SFI1: variants seen among roughly 807,000 people sequenced by gnomAD.
SFI1 encodes SFI1 centrin binding protein.
A neutral mutation model predicts 207.5 loss-of-function variants in SFI1; 195 were observed. The ratio of observed to expected loss-of-function variants is 0.94; its 90% CI spans 0.84 to 1.06. The LOEUF is 1.06. Ranked by LOEUF, SFI1 falls within the 50% of genes least tolerant of loss-of-function variation. The pLI, the probability that SFI1 is intolerant of heterozygous loss-of-function variation, is 0.00. For missense variants in SFI1, 1,634 were observed against 1,588.0 expected (o/e 1.03, Z -0.49); for synonymous variants, 630 against 598.9 (o/e 1.05, Z -0.76).
chr22:31,586,492 G>A (rs964526702), intron 14 of SFI1, among the ~76,000 whole-genome samples: 3 of 152,278 alleles, frequency 2.0e-5, no homozygotes, highest in East Asian at 1.9e-4. Context: ...GATCTAAGTC[G>A]ATAGAGCTTG....
At position 31,585,333 on chromosome 22, in the gene SFI1, T is replaced by C. The variant is rs1487252365; in HGVS notation, c.1413+199T>C. ...AAGTCTGCATAACTCCCATTTCTTATCTGCTATGAAAATACAAGTTCTCTC... is the reference window on the plus strand; with the variant it reads ...AAGTCTGCATAACTCCCATTTCTTACCTGCTATGAAAATACAAGTTCTCTC... On this transcript the variant is annotated intron_variant, in intron 14 of 32. Coordinates refer to ENST00000400288, the MANE Select transcript of SFI1 (RefSeq NM_001007467.3). 2.6e-5 allele frequency among the ~76,000 whole-genome samples: 4 copies of C among 152,224 alleles called. No individual in the cohort carries two copies. The South Asian group carries it at 6.2e-4, about 24-fold the overall frequency.
intron 15 of SFI1, among the ~76,000 whole-genome samples, chr22:31,598,352 C>G (rs1308346626): frequency 6.6e-6 from 1 of 152,040 alleles, no homozygotes; most frequent in Non-Finnish European, 1.5e-5. Context: ...TTCTGTTACC[C>G]CAGAAAGTTC....
intron 12 of SFI1, among the ~76,000 whole-genome samples, chr22:31,582,194 CTTT>C (rs1377219551): frequency 4.0e-5 from 2 of 50,042 alleles, no homozygotes; most frequent in African/African-American, 1.5e-4. Flanking sequence ...AACAACACTT[CTTT>C]ATTACATTTT....
chr22:31,521,785 A>C (rs1030896709), intron 2 of SFI1, among the ~76,000 whole-genome samples: 18 of 150,770 alleles, frequency 1.2e-4, no homozygotes, highest in Non-Finnish European at 3.0e-5. Flanking sequence ...TTTTTTTTTG[A>C]GACAGTCTCA....
At chr22:31,530,992 A>G in intron 3 of SFI1, 66 bp from the exon 4 acceptor site, 2 of 1,384,100 alleles carry the variant, frequency 1.4e-6, no homozygotes, top group East Asian at 4.6e-5. Flanking sequence ...TTTCCTTTCC[A>G]GAAAACTGCT....
intron 16 of SFI1, 54 bp from the exon 17 acceptor site, chr22:31,602,553 T>C: frequency 6.3e-7 from 1 of 1,588,464 alleles, no homozygotes; most frequent in Non-Finnish European, 8.6e-7. Context: ...TCCTGGCTTC[T>C]GTGCCTCTCT....
chr22:31,564,018 A>G (rs1218514678), intron 8 of SFI1, among the ~76,000 whole-genome samples: 1 of 152,010 alleles, frequency 6.6e-6, no homozygotes, highest in Non-Finnish European at 1.5e-5. Context: ...CATAAAATAT[A>G]AAACACTTAG....
chr22:31,595,630 C>T (rs1177358525), intron 15 of SFI1, among the ~76,000 whole-genome samples: 16 of 152,132 alleles, frequency 1.1e-4, no homozygotes, highest in Admixed American at 1.0e-3. Context: ...TTCAAGAGAA[C>T]AGATCCACGT....
At chr22:31,605,812 C>T in intron 20 of SFI1, 1 of 153,886 alleles carries the variant, frequency 6.5e-6, no homozygotes, top group East Asian at 1.9e-4. Flanking sequence ...TATGCCACTG[C>T]ACTCCAGCCT....
At chr22:31,593,201 G>A (rs2066409785) in intron 15 of SFI1, among the ~76,000 whole-genome samples, 1 of 151,638 alleles carries the variant, frequency 6.6e-6, no homozygotes, top group African/African-American at 2.4e-5. Context: ...CTCCCAGATG[G>A]GGCGGCTGCC....
chr22:31,599,317 T>C (rs1326291919), intron 15 of SFI1, among the ~76,000 whole-genome samples: 1 of 115,594 alleles, frequency 8.7e-6, no homozygotes, highest in African/African-American at 3.0e-5. Flanking sequence ...TCCAGCACCA[T>C]TTGTTGAAAA....
Position 31,613,218 on chromosome 22 carries a change from T to C in SFI1, c.2565+2T>C. 1 of 1,613,464 alleles carries C rather than the reference T, an allele frequency of 6.2e-7. No individual in the cohort carries two copies. The highest frequency in any genetic ancestry group is 2.2e-5 in the East Asian group (1 of 44,866). On this transcript the variant is annotated splice_donor_variant, in intron 25 of 32. Coordinates refer to ENST00000400288, the MANE Select transcript of SFI1 (RefSeq NM_001007467.3). LOFTEE classifies it high-confidence loss of function. ...TGGGCCTTCTCGCTGCAGGCAAAGG[T>C]AATTGGGGCTCTGCATCCTACCATC...
At chr22:31,543,825 A>G (rs1333804079) in intron 4 of SFI1, among the ~76,000 whole-genome samples, 1 of 151,218 alleles carries the variant, frequency 6.6e-6, no homozygotes, top group African/African-American at 2.4e-5. Context: ...AAAAAAAAAA[A>G]GAAAAAAAAC....
At chr22:31,560,334 A>G (rs2061562773) in intron 7 of SFI1, among the ~76,000 whole-genome samples, 1 of 151,954 alleles carries the variant, frequency 6.6e-6, no homozygotes, top group African/African-American at 2.4e-5. Flanking sequence ...AAGACTAGAA[A>G]TCTAAAAGCC....
At chr22:31,547,859 C>T (rs148141392) in intron 5 of SFI1, among the ~76,000 whole-genome samples, 8,078 of 150,886 alleles carry the variant, frequency 0.054, 299 homozygotes, top group South Asian at 0.11. Flanking sequence ...ATCCTGCCAC[C>T]TTGGCCTCCC....
chr22:31,599,633 A>T (rs1341521499), intron 15 of SFI1, among the ~76,000 whole-genome samples: 1 of 150,478 alleles, frequency 6.6e-6, no homozygotes, highest in East Asian at 2.0e-4. Context: ...CCTAGCCCAG[A>T]CTAATTTTTT....
Position 31,508,244 on chromosome 22 carries a change from T to C in SFI1, c.-30-11T>C, listed in dbSNP as rs761122412. On this transcript the variant is annotated splice_polypyrimidine_tract_variant and intron_variant, in intron 1 of 32. Transcript: ENST00000400288. ...TCATTTTCTCTCTTTTTTATTCTCTTTTTCTTGTAGTTAGAAGGGGAAGAT... is the reference window on the plus strand; with the variant it reads ...TCATTTTCTCTCTTTTTTATTCTCTCTTTCTTGTAGTTAGAAGGGGAAGAT... 7 of 1,438,600 alleles carry C rather than the reference T, an allele frequency of 4.9e-6. No homozygotes were observed. Among genetic ancestry groups the C allele is most frequent in the Admixed American group, 1.7e-5 (1 of 59,662 alleles). The allele number at this position is 1,438,600 out of a possible 1,614,324, so 89.1% of individuals were successfully genotyped here. A position where few individuals can be genotyped will look rare whatever the true frequency, so the allele number is the denominator to read the frequency against.
chr22:31,510,120 A>C (rs1030087595), intron 2 of SFI1, among the ~76,000 whole-genome samples: 1 of 152,046 alleles, frequency 6.6e-6, no homozygotes, highest in Non-Finnish European at 1.5e-5. Context: ...GTTGAGCGAT[A>C]GTGCTCGGCC....
intron 8 of SFI1, among the ~76,000 whole-genome samples, chr22:31,568,193 G>T (rs7284147): frequency 2.7e-4 from 20 of 73,014 alleles, no homozygotes; most frequent in African/African-American, 8.1e-4. Context: ...GTGTGTGTGT[G>T]TTGTGTGTGT....
Sources: allele counts gnomAD v4.1 joint callset (sites outside exome capture counted in the v4.1 genomes callset), GRCh38; gene constraint gnomAD v4.1.1; transcripts MANE v1.5; gene names NCBI Gene and HGNC (gene_info 2026-07-23, HGNC 2026-07-21).